Variants in ITGAD observed in about 807,000 individuals in gnomAD.
ITGAD encodes the protein integrin subunit alpha D.
Under a neutral mutation model 139.0 loss-of-function variants are expected in ITGAD, and 105 were observed. The observed-to-expected ratio is 0.76, with a 90% confidence interval of 0.65 to 0.89. The LOEUF (loss-of-function observed/expected upper bound fraction) is 0.89, where lower values mean the gene tolerates loss of function less well. Ranked by LOEUF, ITGAD falls within the 40% of genes least tolerant of loss-of-function variation. The pLI is 0.00. For synonymous variants in ITGAD, 569 were observed against 598.3 expected (o/e 0.95, Z 0.71); for missense variants, 1,384 against 1,487.3 (o/e 0.93, Z 1.14).
Position 31,426,169 on chromosome 16 carries a change from C to A in ITGAD, c.*41C>A. ...TTTATCTCTACCACTGTGGGCTGGA[C>A]TTGCTTGCAACCATAAATCAACTTA... On this transcript the variant is annotated 3_prime_UTR_variant, in exon 30 of 30. Transcript: ENST00000389202. The A allele has an allele frequency of 7.4e-7, 1 of 1,349,340 alleles. No individual in the cohort carries two copies. Among genetic ancestry groups the A allele is most frequent in the Non-Finnish European group, 1.1e-6 (1 of 947,812 alleles). 83.6% of individuals were successfully genotyped at this position (1,349,340 alleles called of 1,614,324 possible).
intron 24 of ITGAD, 43 bp from the exon 25 acceptor site, chr16:31,423,309 G>A: frequency 6.3e-7 from 1 of 1,596,836 alleles, no homozygotes; most frequent in African/African-American, 1.3e-5. Flanking sequence ...GGATTTGGAA[G>A]GCTCCAGAGA....
In ITGAD at chr16:31,424,577, G is replaced by A; in HGVS notation, c.3372G>A (p.Lys1124=). 6.3e-7 allele frequency: 1 copy of A among 1,577,190 alleles called. No individual in the cohort carries two copies. Among genetic ancestry groups the A allele is most frequent in the Non-Finnish European group, 8.6e-7 (1 of 1,164,586 alleles). Residue 1124 remains lysine, a splice_region_variant and synonymous_variant, in exon 29 of 30, where the codon AAG becomes AAA. Coordinates refer to ENST00000389202, the MANE Select transcript of ITGAD (RefSeq NM_005353.3). ...CGCTCATCACAGCCACACTGTACAAGGCAAGTGTTTTATCCAACTCTTTTT... is the reference window on the plus strand; with the variant it reads ...CGCTCATCACAGCCACACTGTACAAAGCAAGTGTTTTATCCAACTCTTTTT... ...LLALITATLY[K]LGFFKRHYKE...
intron 1 of ITGAD, among the ~76,000 whole-genome samples, chr16:31,393,897 G>A (rs1013113948): frequency 7.2e-5 from 11 of 152,142 alleles, no homozygotes; most frequent in African/African-American, 2.7e-4. Flanking sequence ...TTGGGAGGCC[G>A]AGATGGGCGT....
chr16:31,402,050 C>CA (rs2081418785), intron 5 of ITGAD, 65 bp from the exon 6 acceptor site: 1 of 1,565,478 alleles, frequency 6.4e-7, no homozygotes, highest in Non-Finnish European at 8.7e-7. Context: ...CTCTGTTGAG[C>CA]AGGAGCTGCA....
chr16:31,402,073 G>C (rs763914123), intron 5 of ITGAD, 42 bp from the exon 6 acceptor site: 2 of 1,598,070 alleles, frequency 1.3e-6, no homozygotes, highest in Non-Finnish European at 1.7e-6. Flanking sequence ...AGGGGGTTGG[G>C]CCCCCGCAGT....
Position 31,411,456 on chromosome 16 carries a change from G to C in ITGAD, c.1646G>C (p.Arg549Pro). 6.2e-7 allele frequency: 1 copy of C among 1,614,120 alleles called. No homozygotes were observed. Among genetic ancestry groups the C allele is most frequent in the Non-Finnish European group, 8.5e-7 (1 of 1,179,988 alleles). ...GGGGCCCCGGGAGAGCAGGAGAACC[G>C]GGGTGCTGTCTACCTGTTTCACGGA... ...AIGAPGEQEN[R>P]GAVYLFHGAS... Residue 549 changes from arginine to proline, a missense_variant, in exon 14 of 30, where the codon CGG (arginine) becomes CCG (proline). By Grantham distance (103) the Arg-to-Pro change is moderately radical. Coordinates refer to ENST00000389202, the MANE Select transcript of ITGAD (RefSeq NM_005353.3).
intron 7 of ITGAD, chr16:31,404,295 T>C (rs1022134335): frequency 2.6e-5 from 4 of 151,672 alleles, no homozygotes; most frequent in African/African-American, 9.7e-5. Context: ...CCTAAAACGA[T>C]GTAGGAGGTG....
chr16:31,411,243 G>C, intron 13 of ITGAD, 27 bp downstream of exon 13: 18 of 1,610,192 alleles, frequency 1.1e-5, no homozygotes, highest in Non-Finnish European at 1.5e-5. Flanking sequence ...ACCTAGGCTG[G>C]GTGGGGTCCG....
rs752435279 is a variant in ITGAD at position 31,408,406 on chromosome 16, C to T, written c.1010-19C>T. On this transcript the variant is annotated intron_variant, in intron 9 of 29. Coordinates refer to ENST00000389202, the MANE Select transcript of ITGAD (RefSeq NM_005353.3). Reference sequence around the variant, plus strand: ...GGTCTCATGGCTTCTAGGAACTTCACTGACCTGTTTCCCCACAGGAACCCA... The same window carrying T: ...GGTCTCATGGCTTCTAGGAACTTCATTGACCTGTTTCCCCACAGGAACCCA... 1.2e-6 allele frequency: 2 copies of T among 1,611,328 alleles called. No homozygotes were observed. The highest frequency in any genetic ancestry group is 1.7e-6 in the Non-Finnish European group (2 of 1,177,736).
chr16:31,424,824 C>T (rs925996826), intron 29 of ITGAD: 17 of 305,454 alleles, frequency 5.6e-5, no homozygotes, highest in African/African-American at 3.6e-4. Flanking sequence ...GTCTCGAACT[C>T]CTGACTTCAG....
At position 31,410,284 on chromosome 16, in the gene ITGAD, GAC is replaced by G. The variant is rs1397456939; in HGVS notation, c.1084-109_1084-108del. The G allele has an allele frequency of 1.4e-5, 21 of 1,482,650 alleles. No individual in the cohort carries two copies. The East Asian group carries it at 4.8e-4, about 34-fold the overall frequency. The allele number at this position is 1,482,650 out of a possible 1,614,324, so 91.8% of individuals were successfully genotyped here. A position where few individuals can be genotyped will look rare whatever the true frequency, so the allele number is the denominator to read the frequency against. ...AGAGGCTGCTGGTGCGGGCCGGGAAGACAGAGAAGAAAAGCCTGGATGGCGAG... is the reference window on the plus strand; with the variant it reads ...AGAGGCTGCTGGTGCGGGCCGGGAAGAGAGAAGAAAAGCCTGGATGGCGAG... On this transcript the variant is annotated intron_variant, in intron 10 of 29. Transcript: ENST00000389202.
rs2082112442 is a variant in ITGAD, at chr16:31,426,173, C to G, written c.*45C>G. 7.6e-7 allele frequency: 1 copy of G among 1,311,718 alleles called. No individual in the cohort carries two copies. Among genetic ancestry groups the G allele is most frequent in the Admixed American group, 1.8e-5 (1 of 54,674 alleles). 81.3% of individuals were successfully genotyped at this position (1,311,718 alleles called of 1,614,324 possible). A position where few individuals can be genotyped will look rare whatever the true frequency, so the allele number is the denominator to read the frequency against. On this transcript the variant is annotated 3_prime_UTR_variant, in exon 30 of 30. Transcript: ENST00000389202. The stretch of plus-strand genomic sequence containing the variant: ...TCTCTACCACTGTGGGCTGGACTTG[C>G]TTGCAACCATAAATCAACTTACATG...
At chr16:31,395,752 G>A (rs564556178) in intron 2 of ITGAD, among the ~76,000 whole-genome samples, 24 of 152,120 alleles carry the variant, frequency 1.6e-4, no homozygotes, top group South Asian at 8.3e-4. Context: ...TCTGGGGGGC[G>A]CAGGCAGGGA....
rs750613414 is a variant in ITGAD at position 31,393,693 on chromosome 16, G to A, written c.31+302G>A. Among the ~76,000 whole-genome samples, 17 of 152,036 alleles carry A rather than the reference G, an allele frequency of 1.1e-4. 1 individual carries two copies. Among genetic ancestry groups the A allele is most frequent in the Middle Eastern group, 6.8e-3 (2 of 294 alleles). On this transcript the variant is annotated intron_variant, in intron 1 of 29. Transcript: ENST00000389202. ...GACAGAGGTCTCCCCAGCCTCCCCC[G>A]GGAGTGGAAGGCCACAGAAGCCACC... is the stretch of plus-strand genomic sequence containing the variant.
chr16:31,411,912 G>A (rs1007830089), intron 14 of ITGAD, among the ~76,000 whole-genome samples: 1 of 152,182 alleles, frequency 6.6e-6, no homozygotes, highest in African/African-American at 2.4e-5. Context: ...CTCACTGAAG[G>A]TTCATGAGTG....
At chr16:31,417,953 AAAC>A in intron 20 of ITGAD, 119 bp from the exon 21 acceptor site, 2 of 806,322 alleles carry the variant, frequency 2.5e-6, no homozygotes, top group East Asian at 2.5e-5. Flanking sequence ...TCTCAAAAAA[AAAC>A]AACAACAAAA....
At position 31,412,881 on chromosome 16, in the gene ITGAD, G is replaced by T; in HGVS notation, c.1751G>T (p.Gly584Val). The T allele has an allele frequency of 1.9e-6, 3 of 1,614,042 alleles. No individual in the cohort carries two copies. The highest frequency in any genetic ancestry group is 1.7e-6 in the Non-Finnish European group (2 of 1,180,000). ...SQLSPRLQYF[G>V]QALSGGQDLT... ...CTCTCCCCCAGGCTGCAGTATTTTG[G>T]GCAGGCGCTGAGTGGGGGTCAGGAC... is the stretch of plus-strand genomic sequence containing the variant. The change falls in exon 15 of 30, where the codon GGG becomes GTG. Residue 584 changes from glycine (G) to valine (V), a missense_variant. Transcript: ENST00000389202.
Position 31,393,396 on chromosome 16 carries a change from G to A in ITGAD, c.31+5G>A. On this transcript the variant is annotated splice_donor_5th_base_variant and intron_variant, in intron 1 of 29. Transcript: ENST00000389202. The stretch of plus-strand genomic sequence containing the variant: ...GCACTGTGCTTCTTCTGAGTGGTAA[G>A]TGGGGCCAGGGTGCTGGGGAGAAGC... The A allele has an allele frequency of 1.9e-6, 3 of 1,614,082 alleles. No individual in the cohort carries two copies. Among genetic ancestry groups the A allele is most frequent in the African/African-American group, 1.3e-5 (1 of 75,046 alleles).
In ITGAD at chr16:31,397,458, G is replaced by GCACAGTGCACATCCCGGGT; in HGVS notation, c.241+3_241+4insCACATCCCGGGTCACAGTG. On this transcript the variant is annotated frameshift_variant, in exon 3 of 30. Transcript: ENST00000389202. LOFTEE classifies it high-confidence loss of function. Reference sequence around the variant, plus strand: ...CCGGCATGTGCCAGCCCATCCCGCTGCACAGTGAGTGACCACCTGGGAATT... The same window carrying GCACAGTGCACATCCCGGGT: ...CCGGCATGTGCCAGCCCATCCCGCTGCACAGTGCACATCCCGGGTCACAGTGAGTGACCACCTGGGAATT... 9.4e-6 allele frequency: 15 copies of GCACAGTGCACATCCCGGGT among 1,593,048 alleles called. No homozygotes were observed. The highest frequency in any genetic ancestry group is 1.3e-5 in the Non-Finnish European group (15 of 1,169,566).
Sources: gnomAD v4.1 joint callset for allele counts (sites outside exome capture counted in the v4.1 genomes callset) on GRCh38, gnomAD v4.1.1 for gene constraint, MANE v1.5 for transcripts, NCBI Gene and HGNC (gene_info 2026-07-23, HGNC 2026-07-21) for gene names.